Variants in DSCAM observed in about 807,000 individuals in gnomAD.
The protein encoded by DSCAM is cell adhesion molecule DSCAM.
DSCAM carries 47 observed loss-of-function variants against 217.7 expected under a neutral mutation model. The ratio of observed to expected loss-of-function variants is 0.22; its 90% confidence interval spans 0.17 to 0.28. The LOEUF (loss-of-function observed/expected upper bound fraction) is 0.28. DSCAM is among the 10% of genes least tolerant of loss of function. The probability of loss-of-function intolerance (pLI) is 1.00; values close to 1 mark genes in which losing one functional copy is unlikely to be tolerated. For missense variants in DSCAM, 2,080 were observed against 2,618.3 expected (o/e 0.79, Z 4.49); for synonymous variants, 1,056 against 1,015.3 (o/e 1.04, Z -0.76).
rs1394255416 is a variant in DSCAM at position 40,369,331 on chromosome 21, T to C, written c.509-86A>G. 7 of 1,388,692 alleles carry C rather than the reference T, an allele frequency of 5.0e-6. No homozygotes were observed. The East Asian group carries it at 7.2e-5, about 14-fold the overall frequency. The allele number at this position is 1,388,692 out of a possible 1,614,324, so 86.0% of individuals were successfully genotyped here. ...ACAAAGTCCTTAAACAGTTTTTTTTTTCCCCCACCTGAAGAAACTTAATGA... is the reference window on the plus strand; with the variant it reads ...ACAAAGTCCTTAAACAGTTTTTTTTCTCCCCCACCTGAAGAAACTTAATGA... On this transcript the variant is annotated intron_variant, in intron 3 of 32. Coordinates refer to ENST00000400454, the MANE Select transcript of DSCAM (RefSeq NM_001389.5).
intron 3 of DSCAM, among the ~76,000 whole-genome samples, chr21:40,516,384 G>A (rs2076299749): frequency 6.6e-6 from 1 of 152,132 alleles, no homozygotes; most frequent in Admixed American, 6.5e-5. Context: ...TGGAAACAAT[G>A]TAGCAGCCTC....
At chr21:40,252,833 C>A (rs182917095) in intron 11 of DSCAM, among the ~76,000 whole-genome samples, 1 of 152,094 alleles carries the variant, frequency 6.6e-6, no homozygotes, top group East Asian at 1.9e-4. Flanking sequence ...AACTTCCCAA[C>A]GTATAAAACA....
chr21:40,295,945 A>C, intron 10 of DSCAM, 110 bp downstream of exon 10: 1 of 1,316,250 alleles, frequency 7.6e-7, no homozygotes, highest in Non-Finnish European at 1.0e-6. Flanking sequence ...GGAAACAGAG[A>C]TACGTATCTA....
chr21:40,560,539 G>A (rs2076712531), intron 3 of DSCAM, among the ~76,000 whole-genome samples: 2 of 152,276 alleles, frequency 1.3e-5, no homozygotes, highest in East Asian at 3.9e-4. Flanking sequence ...GCGACTCCTC[G>A]ACTTACAGTG....
intron 3 of DSCAM, among the ~76,000 whole-genome samples, chr21:40,531,084 G>A (rs1485769967): frequency 6.6e-6 from 1 of 152,136 alleles, no homozygotes; most frequent in Non-Finnish European, 1.5e-5. Context: ...CAGAATAAGA[G>A]TTTACACTGA....
rs139025805 is a variant in DSCAM at position 40,260,974 on chromosome 21, A to G, written c.2356+15123T>C. On this transcript the variant is annotated intron_variant, in intron 11 of 32. Coordinates refer to ENST00000400454, the MANE Select transcript of DSCAM (RefSeq NM_001389.5). ...ATAAACAATTTCACAAAACACTAACATCAGACAAAACAGCTCTGTGACCGA... is the reference window on the plus strand; with the variant it reads ...ATAAACAATTTCACAAAACACTAACGTCAGACAAAACAGCTCTGTGACCGA... Among the ~76,000 whole-genome samples, 445 of 152,336 alleles carry G rather than the reference A, an allele frequency of 2.9e-3. 6 individuals carry two copies. The highest frequency in any genetic ancestry group is 0.01 in the African/African-American group (426 of 41,584).
chr21:40,503,552 T>G (rs921473022), intron 3 of DSCAM, among the ~76,000 whole-genome samples: 3 of 152,228 alleles, frequency 2.0e-5, no homozygotes, highest in African/African-American at 7.2e-5. Context: ...GTGGCAGTGC[T>G]ATCAAGGAGC....
In DSCAM at chr21:40,013,250, C is replaced by G. The variant is rs372132528; in HGVS notation, c.5823G>C (p.Thr1941=). 1 of 1,613,758 alleles carries G rather than the reference C, an allele frequency of 6.2e-7. No homozygotes were observed. Among genetic ancestry groups the G allele is most frequent in the Non-Finnish European group, 8.5e-7 (1 of 1,179,944 alleles). Residue 1941 remains threonine (T), a synonymous_variant, in exon 33 of 33, where the codon ACG becomes ACC. Transcript: ENST00000400454. ...PQKSRTLKRP[T]VLEPIPMEAA... Reference sequence around the variant, plus strand: ...CTTCCATCGGGATGGGCTCCAGGACCGTGGGGCGCTTCAGGGTCCGGCTTT... The same window carrying G: ...CTTCCATCGGGATGGGCTCCAGGACGGTGGGGCGCTTCAGGGTCCGGCTTT...
At chr21:40,429,189 C>A (rs1465999921) in intron 3 of DSCAM, among the ~76,000 whole-genome samples, 1 of 151,718 alleles carries the variant, frequency 6.6e-6, no homozygotes, top group Non-Finnish European at 1.5e-5. Context: ...CAATTTTTTG[C>A]AAAATGTCTT....
At chr21:40,360,144 T>A (rs1390096296) in intron 4 of DSCAM, among the ~76,000 whole-genome samples, 1 of 141,496 alleles carries the variant, frequency 7.1e-6, no homozygotes. Context: ...TTTTTTTTTT[T>A]TTTTTGAGAC....
At chr21:40,808,474 ATTT>A (rs10538615) in intron 1 of DSCAM, among the ~76,000 whole-genome samples, 158 of 139,498 alleles carry the variant, frequency 1.1e-3, no homozygotes, top group African/African-American at 2.6e-3. Context: ...TACAACCATC[ATTT>A]TTTTTTTTTT....
At chr21:40,569,654 C>T (rs181320516) in intron 3 of DSCAM, among the ~76,000 whole-genome samples, 306 of 152,228 alleles carry the variant, frequency 2.0e-3, no homozygotes, top group African/African-American at 6.8e-3. Context: ...TCTATCTGTC[C>T]CCTATATAAC....
chr21:40,260,700 C>A (rs1233918055), intron 11 of DSCAM, among the ~76,000 whole-genome samples: 1 of 152,202 alleles, frequency 6.6e-6, no homozygotes, highest in Non-Finnish European at 1.5e-5. Flanking sequence ...CATTGCAGGT[C>A]AGGAGCTTGT....
chr21:40,646,063 C>G (rs1001854820), intron 3 of DSCAM, among the ~76,000 whole-genome samples: 1 of 152,056 alleles, frequency 6.6e-6, no homozygotes, highest in Non-Finnish European at 1.5e-5. Context: ...ATGAAGGGAG[C>G]AGGCTGTGAA....
chr21:40,605,788 A>ATTTTTT (rs1491361981), intron 3 of DSCAM, among the ~76,000 whole-genome samples: 5 of 92,454 alleles, frequency 5.4e-5, no homozygotes, highest in African/African-American at 1.2e-4. Context: ...CTTAATGCAC[A>ATTTTTT]TTCTTTTTTT....
intron 11 of DSCAM, among the ~76,000 whole-genome samples, chr21:40,238,366 T>G (rs2073105427): frequency 6.6e-6 from 1 of 152,242 alleles, no homozygotes; most frequent in African/African-American, 2.4e-5. Context: ...CTTTGGCTCA[T>G]GAGAATCTCC....
At chr21:40,495,664 TG>T (rs141182389) in intron 3 of DSCAM, among the ~76,000 whole-genome samples, 179 of 152,190 alleles carry the variant, frequency 1.2e-3, no homozygotes, top group African/African-American at 4.2e-3. Context: ...TCTACTTCTC[TG>T]GAAGTCCTAA....
chr21:40,250,900 C>A (rs1286129912), intron 11 of DSCAM, among the ~76,000 whole-genome samples: 1 of 152,200 alleles, frequency 6.6e-6, no homozygotes, highest in East Asian at 1.9e-4. Flanking sequence ...ATCTCCAAGA[C>A]CCTGTCCTTC....
chr21:40,207,987 A>G (rs778849967), intron 11 of DSCAM, among the ~76,000 whole-genome samples: 10 of 152,210 alleles, frequency 6.6e-5, no homozygotes, highest in Non-Finnish European at 1.2e-4. Flanking sequence ...TTAAGCCTCT[A>G]TCTTCAAATA....
Sources: gnomAD v4.1 joint callset for allele counts (sites outside exome capture counted in the v4.1 genomes callset) on GRCh38, gnomAD v4.1.1 for gene constraint, MANE v1.5 for transcripts, NCBI Gene and HGNC (gene_info 2026-07-23, HGNC 2026-07-21) for gene names.